Variants in ZFAND3 observed in about 807,000 individuals in gnomAD.
ZFAND3 encodes AN1-type zinc finger protein 3.
In ZFAND3, 10 loss-of-function variants were observed where a neutral mutation model predicts 29.6. That is an observed-to-expected ratio of 0.34 (90% CI 0.21 to 0.57). ZFAND3 has a LOEUF of 0.57. Among genes scored for constraint, ZFAND3 ranks in the 20% least tolerant of loss-of-function variants. The pLI is 0.86. For synonymous variants in ZFAND3, 128 were observed against 112.6 expected, an observed-to-expected ratio of 1.14 and a Z score of -0.87; for missense variants, 230 against 304.5, an observed-to-expected ratio of 0.76 and a Z score of 1.82.
intron 5 of ZFAND3, 130 bp downstream of exon 5, chr6:38,116,869 G>A (rs943112962): frequency 5.0e-6 from 6 of 1,198,304 alleles, no homozygotes; most frequent in South Asian, 3.5e-5. Flanking sequence ...TAGTGCATGC[G>A]ATATAGGTTT....
rs59103990 is a variant in ZFAND3, at chr6:37,942,806, T to A, written c.112+12807T>A. Among the ~76,000 whole-genome samples, 2,585 of 152,284 alleles carry A rather than the reference T, an allele frequency of 0.017. 250 individuals carry two copies. The East Asian group carries it at 0.28, about 16-fold the overall frequency. On this transcript the variant is annotated intron_variant, in intron 2 of 5. Coordinates refer to ENST00000287218, the MANE Select transcript of ZFAND3 (RefSeq NM_021943.3). ...ACTTCATCAGTTACTTCTGTTATTGTATTTGCATCTACCCTAAAAATAGAG... is the reference window on the plus strand; with the variant it reads ...ACTTCATCAGTTACTTCTGTTATTGAATTTGCATCTACCCTAAAAATAGAG...
chr6:38,097,418 T>C (rs1392196024), intron 4 of ZFAND3, among the ~76,000 whole-genome samples: 1 of 152,118 alleles, frequency 6.6e-6, no homozygotes, highest in Non-Finnish European at 1.5e-5. Context: ...CTCTTTGTTA[T>C]GTGAGAATTT....
chr6:38,135,618 G>A (rs866795377), intron 5 of ZFAND3, among the ~76,000 whole-genome samples: 15 of 152,242 alleles, frequency 9.9e-5, no homozygotes, highest in South Asian at 6.2e-4. Flanking sequence ...GGTGGCGTGC[G>A]CCTGTAATCC....
chr6:38,055,196 T>A (rs888462570), intron 2 of ZFAND3, among the ~76,000 whole-genome samples: 6 of 152,226 alleles, frequency 3.9e-5, no homozygotes, highest in African/African-American at 1.4e-4. Flanking sequence ...TTCCATTTTT[T>A]AAAATTTGAC....
intron 5 of ZFAND3, among the ~76,000 whole-genome samples, chr6:38,148,025 C>A (rs1216094004): frequency 1.3e-5 from 2 of 152,072 alleles, no homozygotes; most frequent in Non-Finnish European, 1.5e-5. Flanking sequence ...GTCATAAATT[C>A]TTTGCCTAGA....
At chr6:38,148,138 G>T (rs1318348873) in intron 5 of ZFAND3, among the ~76,000 whole-genome samples, 3 of 152,118 alleles carry the variant, frequency 2.0e-5, no homozygotes, top group African/African-American at 7.2e-5. Flanking sequence ...TTTTGTGTGT[G>T]GTGAAAGATA....
At position 38,153,487 on chromosome 6, in the gene ZFAND3, A is replaced by G; in HGVS notation, c.*1098A>G. 1 of 985,626 alleles carries G rather than the reference A, an allele frequency of 1.0e-6. No individual in the cohort carries two copies. The highest frequency in any genetic ancestry group is 5.2e-4 in the Middle Eastern group (1 of 1,914). The allele number at this position is 985,626 out of a possible 1,614,324, so 61.1% of individuals were successfully genotyped here. On this transcript the variant is annotated 3_prime_UTR_variant, in exon 6 of 6. Coordinates refer to ENST00000287218, the MANE Select transcript of ZFAND3 (RefSeq NM_021943.3). The stretch of plus-strand genomic sequence containing the variant: ...TACCATATAGCAAGTTTAGTAAGGG[A>G]AGGCAGCATACGTCCCAGGGACAGT...
At chr6:37,975,404 T>C (rs1762461206) in intron 2 of ZFAND3, among the ~76,000 whole-genome samples, 1 of 152,212 alleles carries the variant, frequency 6.6e-6, no homozygotes, top group African/African-American at 2.4e-5. Context: ...CAAAGATTTT[T>C]TCTTGCTCTT....
chr6:38,114,046 AATCATAGTAATAATG>A (rs1765369340), intron 4 of ZFAND3, among the ~76,000 whole-genome samples: 1 of 152,212 alleles, frequency 6.6e-6, no homozygotes, highest in Non-Finnish European at 1.5e-5. Context: ...TCCAGATTTT[AATCATAGTAATAATG>A]AAAAGGCCTC....
chr6:38,012,972 ATTGG>A (rs2127444509), intron 2 of ZFAND3, among the ~76,000 whole-genome samples: 1 of 152,260 alleles, frequency 6.6e-6, no homozygotes, highest in Non-Finnish European at 1.5e-5. Flanking sequence ...AAATATCAAC[ATTGG>A]TTATTTGGGT....
intron 2 of ZFAND3, among the ~76,000 whole-genome samples, chr6:37,995,823 GAAAT>G (rs1398262760): frequency 2.0e-5 from 3 of 151,842 alleles, no homozygotes; most frequent in Admixed American, 2.0e-4. Flanking sequence ...AATTTTAAAC[GAAAT>G]TTAAAACAGT....
At chr6:37,992,709 C>T (rs1008826274) in intron 2 of ZFAND3, among the ~76,000 whole-genome samples, 1 of 152,144 alleles carries the variant, frequency 6.6e-6, no homozygotes, top group East Asian at 1.9e-4. Context: ...TTTAATTGCC[C>T]CTCAAATGTT....
intron 5 of ZFAND3, among the ~76,000 whole-genome samples, chr6:38,135,829 T>G (rs375735977): frequency 6.6e-6 from 1 of 152,066 alleles, no homozygotes; most frequent in Admixed American, 6.5e-5. Context: ...AGCTGCTTGG[T>G]GTGGACACTT....
chr6:38,115,667 A>T (rs547965182), intron 4 of ZFAND3, among the ~76,000 whole-genome samples: 1 of 152,254 alleles, frequency 6.6e-6, no homozygotes, highest in East Asian at 1.9e-4. Context: ...AGCACAAACA[A>T]TTTGGAACTT....
At chr6:38,073,725 C>T (rs1764500765) in intron 3 of ZFAND3, among the ~76,000 whole-genome samples, 1 of 152,048 alleles carries the variant, frequency 6.6e-6, no homozygotes, top group Non-Finnish European at 1.5e-5. Flanking sequence ...CAGTGGTAAG[C>T]GTTTGTCAGC....
chr6:37,976,261 A>G (rs1762476017), intron 2 of ZFAND3, among the ~76,000 whole-genome samples: 3 of 152,168 alleles, frequency 2.0e-5, no homozygotes, highest in African/African-American at 4.8e-5. Flanking sequence ...ATAAAGATGT[A>G]TTAGTCCATT....
At chr6:37,836,813 A>G (rs1763976996) in intron 1 of ZFAND3, among the ~76,000 whole-genome samples, 1 of 152,166 alleles carries the variant, frequency 6.6e-6, no homozygotes, top group Non-Finnish European at 1.5e-5. Context: ...CTTGAACTTC[A>G]ACTTCTTAGT....
At chr6:37,970,300 C>T (rs1762363646) in intron 2 of ZFAND3, among the ~76,000 whole-genome samples, 2 of 151,956 alleles carry the variant, frequency 1.3e-5, no homozygotes, top group Admixed American at 6.6e-5. Context: ...TTGGTAAGTC[C>T]GTAAATGGTA....
intron 2 of ZFAND3, among the ~76,000 whole-genome samples, chr6:37,987,306 T>A (rs1258587218): frequency 1.3e-5 from 2 of 152,212 alleles, no homozygotes; most frequent in Non-Finnish European, 2.9e-5. Context: ...TGATTCAGTT[T>A]TGAATTTGCT....
Sources: allele counts gnomAD v4.1 joint callset (sites outside exome capture counted in the v4.1 genomes callset), GRCh38; gene constraint gnomAD v4.1.1; transcripts MANE v1.5; gene names NCBI Gene and HGNC (gene_info 2026-07-23, HGNC 2026-07-21).